The following NEMP1 variants were observed in gnomAD, a reference collection of about 807,000 sequenced individuals.
The protein encoded by NEMP1 is nuclear envelope integral membrane protein 1.
A neutral mutation model predicts 53.7 loss-of-function variants in NEMP1; 29 were observed. That is an observed-to-expected ratio of 0.54 (90% CI 0.40 to 0.74). The LOEUF is 0.74. Ranked by LOEUF, NEMP1 falls within the 30% of genes least tolerant of loss-of-function variation. The pLI, the probability that NEMP1 is intolerant of heterozygous loss-of-function variation, is 0.00. For missense variants in NEMP1, 477 were observed against 528.6 expected, an observed-to-expected ratio of 0.90 and a Z score of 0.96; for synonymous variants, 193 against 192.9, an observed-to-expected ratio of 1.00 and a Z score of 0.00.
Position 57,059,017 on chromosome 12 carries a change from A to G in NEMP1, c.*862T>C, listed in dbSNP as rs955722993. ...CTCTGAACATACATAGTTCACAGGT[A>G]AGGGAACTGACCCTTCCTGAAAGGG... On this transcript the variant is annotated 3_prime_UTR_variant, in exon 9 of 9. Transcript: ENST00000300128. The G allele has an allele frequency of 2.6e-5, 4 of 152,234 alleles. No homozygotes were observed. Among genetic ancestry groups the G allele is most frequent in the Non-Finnish European group, 5.9e-5 (4 of 68,028 alleles). The allele number at this position is 152,234 out of a possible 1,614,324, so 9.4% of individuals were successfully genotyped here.
In NEMP1 at chr12:57,058,633, G is replaced by A. The variant is rs1250106955; in HGVS notation, c.*1246C>T. ...GTCAGAAACGCAATCATAAATAAGT[G>A]TAAGTTCATGGAAACTTGACAGCTG... On this transcript the variant is annotated 3_prime_UTR_variant, in exon 9 of 9. Transcript: ENST00000300128. The A allele has an allele frequency of 6.6e-6, 1 of 152,210 alleles. No homozygotes were observed. The highest frequency in any genetic ancestry group is 6.5e-5 in the Admixed American group (1 of 15,284). The allele number at this position is 152,210 out of a possible 1,614,324, so 9.4% of individuals were successfully genotyped here.
rs1374106206 is a variant in NEMP1 at position 57,058,530 on chromosome 12, G to A, written c.*1349C>T. The A allele has an allele frequency of 6.6e-6, 1 of 152,146 alleles. No homozygotes were observed. Among genetic ancestry groups the A allele is most frequent in the Non-Finnish European group, 1.5e-5 (1 of 68,028 alleles). 9.4% of individuals were successfully genotyped at this position (152,146 alleles called of 1,614,324 possible). A position where few individuals can be genotyped will look rare whatever the true frequency, so the allele number is the denominator to read the frequency against. On this transcript the variant is annotated 3_prime_UTR_variant, in exon 9 of 9. Transcript: ENST00000300128. Reference sequence around the variant, plus strand: ...TTGCTTCCTCACAGATGACATTGCTGGTTTATAAGGGGTACTTTGCAATGG... The same window carrying A: ...TTGCTTCCTCACAGATGACATTGCTAGTTTATAAGGGGTACTTTGCAATGG...
At chr12:57,086,054 G>A (rs1006182738) in intron 1 of NEMP1, among the ~76,000 whole-genome samples, 1 of 152,210 alleles carries the variant, frequency 6.6e-6, no homozygotes, top group African/African-American at 2.4e-5. Context: ...GGGGTGGGAG[G>A]AATTAATTCT....
chr12:57,078,858 G>T, upstream of NEMP1: 4 of 1,271,110 alleles, frequency 3.1e-6, no homozygotes, highest in South Asian at 1.5e-5. Flanking sequence ...CAATGGGATG[G>T]GCAGGGCTTC....
chr12:57,071,543 T>G (rs1433759207), intron 2 of NEMP1, among the ~76,000 whole-genome samples: 1 of 152,066 alleles, frequency 6.6e-6, no homozygotes, highest in African/African-American at 2.4e-5. Context: ...CATGCCCAGT[T>G]AATTTTTGTA....
chr12:57,078,070 G>C (rs978560784), intron 1 of NEMP1, among the ~76,000 whole-genome samples: 1 of 152,188 alleles, frequency 6.6e-6, no homozygotes, highest in Non-Finnish European at 1.5e-5. Context: ...GACAGAGCTA[G>C]ACTCCATCTC....
In NEMP1 at chr12:57,057,888, T is replaced by C. The variant is rs570532773; in HGVS notation, c.*1991A>G. 9.8e-5 allele frequency: 15 copies of C among 152,316 alleles called. No individual in the cohort carries two copies. The East Asian group carries it at 2.9e-3, about 29-fold the overall frequency. The allele number at this position is 152,316 out of a possible 1,614,324, so 9.4% of individuals were successfully genotyped here. A position where few individuals can be genotyped will look rare whatever the true frequency, so the allele number is the denominator to read the frequency against. On this transcript the variant is annotated 3_prime_UTR_variant, in exon 9 of 9. Coordinates refer to ENST00000300128, the MANE Select transcript of NEMP1 (RefSeq NM_001130963.2). Reference sequence around the variant, plus strand: ...GGGAGGCACCAAAATCTCCAGAGAATCCTGAGACCACTTGCACGAGTTGAA... The same window carrying C: ...GGGAGGCACCAAAATCTCCAGAGAACCCTGAGACCACTTGCACGAGTTGAA...
upstream of NEMP1, among the ~76,000 whole-genome samples, chr12:57,081,476 C>T (rs2032844178): frequency 6.6e-6 from 1 of 151,994 alleles, no homozygotes; most frequent in Non-Finnish European, 1.5e-5. Flanking sequence ...CTCCCGACCT[C>T]AGGTGATTTG....
chr12:57,072,883 G>A lies in NEMP1; in HGVS notation c.157C>T (p.Gln53Ter). The stretch of plus-strand genomic sequence containing the variant: ...CGCTTTTCACAAACTTGGGATTCCT[G>A]AAGCATGACCACATTTACATCAGTT... ...AETDVNVVML[Q>*]ESQVCEKRAS... Residue 53 changes from glutamine (Q) to a stop codon, truncating the protein, a stop_gained, in exon 2 of 9, where the codon CAG becomes TAG. Coordinates refer to ENST00000300128, the MANE Select transcript of NEMP1 (RefSeq NM_001130963.2). LOFTEE classifies it high-confidence loss of function. 3 of 1,613,318 alleles carry A rather than the reference G, an allele frequency of 1.9e-6. No individual in the cohort carries two copies. The highest frequency in any genetic ancestry group is 2.5e-6 in the Non-Finnish European group (3 of 1,179,710).
At position 57,058,042 on chromosome 12, in the gene NEMP1, T is replaced by C. The variant is rs2031613108; in HGVS notation, c.*1837A>G. 6.6e-6 allele frequency: 1 copy of C among 152,230 alleles called. No homozygotes were observed. The highest frequency in any genetic ancestry group is 1.5e-5 in the Non-Finnish European group (1 of 68,026). The allele number at this position is 152,230 out of a possible 1,614,324, so 9.4% of individuals were successfully genotyped here. A position where few individuals can be genotyped will look rare whatever the true frequency, so the allele number is the denominator to read the frequency against. ...AGAGAACATTTTACCATGTACATAA[T>C]TCACAAGGGTATAAAGGTTTCCCAA... is the stretch of plus-strand genomic sequence containing the variant. On this transcript the variant is annotated 3_prime_UTR_variant, in exon 9 of 9. Coordinates refer to ENST00000300128, the MANE Select transcript of NEMP1 (RefSeq NM_001130963.2).
intron 3 of NEMP1, among the ~76,000 whole-genome samples, chr12:57,069,679 T>C (rs2032257474): frequency 6.6e-6 from 1 of 151,946 alleles, no homozygotes; most frequent in African/African-American, 2.4e-5. Flanking sequence ...ACTCAGCAGA[T>C]TTGCCCAGAA....
At chr12:57,077,654 A>C (rs2032697790) in intron 1 of NEMP1, among the ~76,000 whole-genome samples, 1 of 152,262 alleles carries the variant, frequency 6.6e-6, no homozygotes. Flanking sequence ...TTATCAATTC[A>C]TAAAAAATTA....
In NEMP1 at chr12:57,078,557, C is replaced by A. The variant is rs1457250319; in HGVS notation, c.127+62G>T. 3.7e-5 allele frequency: 58 copies of A among 1,560,428 alleles called. No homozygotes were observed. The East Asian group carries it at 1.3e-3, about 35-fold the overall frequency. ...TAACGGCCCGCGCCCTCGGGACAAT[C>A]CCTTTTCCAAAAATAACCCCCTCGG... On this transcript the variant is annotated intron_variant, in intron 1 of 8. Transcript: ENST00000300128.
upstream of NEMP1, among the ~76,000 whole-genome samples, chr12:57,083,641 G>A (rs2032910253): frequency 6.6e-6 from 1 of 152,250 alleles, no homozygotes; most frequent in Non-Finnish European, 1.5e-5. Context: ...TGACACATAT[G>A]ACTTCATACT....
chr12:57,079,949 ATTGTTGTTG>A (rs747167133), upstream of NEMP1, among the ~76,000 whole-genome samples: 36 of 151,160 alleles, frequency 2.4e-4, no homozygotes, highest in East Asian at 5.3e-3. Context: ...TGTTTGTTTC[ATTGTTGTTG>A]TTGTTGTTGT....
At chr12:57,074,467 G>T (rs1039334315) in intron 1 of NEMP1, among the ~76,000 whole-genome samples, 5 of 151,706 alleles carry the variant, frequency 3.3e-5, no homozygotes, top group African/African-American at 9.7e-5. Context: ...AACTTTTTTT[G>T]TGTGTGTGTA....
In NEMP1 at chr12:57,060,753, T is replaced by C. The variant is rs1198677330; in HGVS notation, c.1154+19A>G. Reference sequence around the variant, plus strand: ...CACAATTACCCTGATAGATGCTTGGTATATCTGGCCGAGTTTACCTTTTTG... The same window carrying C: ...CACAATTACCCTGATAGATGCTTGGCATATCTGGCCGAGTTTACCTTTTTG... On this transcript the variant is annotated intron_variant, in intron 8 of 8. Transcript: ENST00000300128. The C allele has an allele frequency of 1.9e-6, 3 of 1,606,574 alleles. No individual in the cohort carries two copies. The highest frequency in any genetic ancestry group is 2.5e-6 in the Non-Finnish European group (3 of 1,176,478).
intron 4 of NEMP1, among the ~76,000 whole-genome samples, chr12:57,065,557 T>G (rs2032031950): frequency 6.6e-6 from 1 of 151,130 alleles, no homozygotes. Flanking sequence ...AGTCTCACTC[T>G]GTTGCCCAAG....
intron 1 of NEMP1, among the ~76,000 whole-genome samples, chr12:57,075,473 C>T (rs1418421161): frequency 1.3e-5 from 2 of 148,844 alleles, no homozygotes; most frequent in African/African-American, 2.5e-5. Context: ...CCGGCCTGGG[C>T]GACAGAGCAA....
Sources: allele counts gnomAD v4.1 joint callset (sites outside exome capture counted in the v4.1 genomes callset), GRCh38; gene constraint gnomAD v4.1.1; transcripts MANE v1.5; gene names NCBI Gene and HGNC (gene_info 2026-07-23, HGNC 2026-07-21).